NIPSNAP2: variants seen among roughly 807,000 people sequenced by gnomAD.
NIPSNAP2 encodes nipsnap homolog 2.
NIPSNAP2 carries 42 observed loss-of-function variants against 48.4 expected under a neutral mutation model. The ratio of observed to expected loss-of-function variants is 0.87; its 90% CI spans 0.68 to 1.12. The LOEUF (loss-of-function observed/expected upper bound fraction) is 1.12. NIPSNAP2 is among the 50% of genes most tolerant of loss of function. The pLI, the probability that NIPSNAP2 is intolerant of heterozygous loss-of-function variation, is 0.00. For missense variants in NIPSNAP2, 314 were observed against 347.3 expected, an observed-to-expected ratio of 0.90 and a Z score of 0.76; for synonymous variants, 158 against 126.6, an observed-to-expected ratio of 1.25 and a Z score of -1.67.
intron 5 of NIPSNAP2, among the ~76,000 whole-genome samples, chr7:55,982,751 CAA>C (rs35890311): frequency 6.5e-4 from 75 of 114,750 alleles, no homozygotes; most frequent in Admixed American, 1.2e-3. Flanking sequence ...GACTCTGTCT[CAA>C]AAAAAAAAAA....
At chr7:55,973,284 A>G (rs949751935) in intron 1 of NIPSNAP2, among the ~76,000 whole-genome samples, 1 of 152,140 alleles carries the variant, frequency 6.6e-6, no homozygotes, top group Non-Finnish European at 1.5e-5. Flanking sequence ...TTCAACTTAC[A>G]TCTGCAAATG....
intron 9 of NIPSNAP2, 77 bp downstream of exon 9, chr7:55,997,526 G>A: frequency 1.7e-6 from 2 of 1,159,470 alleles, no homozygotes. Flanking sequence ...ACACTAATAG[G>A]TGGGTTTTGT....
At chr7:55,979,693 C>T (rs1787173457) in intron 3 of NIPSNAP2, 1 of 445,456 alleles carries the variant, frequency 2.2e-6, no homozygotes, top group Non-Finnish European at 4.5e-6. Flanking sequence ...CAAAGTTTGT[C>T]AGATTGATCT....
chr7:55,988,708 C>T (rs944519147), intron 7 of NIPSNAP2, among the ~76,000 whole-genome samples: 1 of 151,824 alleles, frequency 6.6e-6, no homozygotes, highest in Non-Finnish European at 1.5e-5. Flanking sequence ...AAAATAAATA[C>T]CAAAAACGTA....
At chr7:55,998,484 G>A (rs1787613496) in intron 9 of NIPSNAP2, among the ~76,000 whole-genome samples, 1 of 143,114 alleles carries the variant, frequency 7.0e-6, no homozygotes, top group African/African-American at 2.6e-5. Context: ...AAATATCCAG[G>A]TAGGATCTGT....
rs1361252041 is a variant in NIPSNAP2 at position 55,983,863 on chromosome 7, C to T, written c.580C>T (p.Leu194Phe). ...PNIYELRSYQ[L>F]RPGTMIEWGN... Reference sequence around the variant, plus strand: ...TATATATGAACTCAGGTCTTACCAACTCCGAGTAAGTACAGAAATATAAGT... The same window carrying T: ...TATATATGAACTCAGGTCTTACCAATTCCGAGTAAGTACAGAAATATAAGT... The change falls in exon 6 of 10, where the codon CTC becomes TTC. Residue 194 changes from leucine to phenylalanine, a missense_variant. This residue lies in a region of NIPSNAP2 where 116 missense variants were observed against 161.8 expected (regional missense o/e 0.72). Transcript: ENST00000322090. The T allele has an allele frequency of 1.2e-6, 2 of 1,612,434 alleles. No homozygotes were observed. Among genetic ancestry groups the T allele is most frequent in the Admixed American group, 1.7e-5 (1 of 59,610 alleles).
rs1004815312 is a variant in NIPSNAP2 at position 55,985,002 on chromosome 7, G to A, written c.617+124G>A. On this transcript the variant is annotated intron_variant, in intron 7 of 9. Coordinates refer to ENST00000322090, the MANE Select transcript of NIPSNAP2 (RefSeq NM_001483.3). ...TGACTTAACACTGCACTAATGTTTCGTTTGATGTTTTTATTATGAGATTTT... is the reference window on the plus strand; with the variant it reads ...TGACTTAACACTGCACTAATGTTTCATTTGATGTTTTTATTATGAGATTTT... The A allele has an allele frequency of 3.9e-5, 26 of 672,974 alleles. No individual in the cohort carries two copies. The African/African-American group carries it at 4.0e-4, about 10-fold the overall frequency. 41.7% of individuals were successfully genotyped at this position (672,974 alleles called of 1,614,324 possible).
chr7:55,998,248 C>CA lies in NIPSNAP2; in HGVS notation c.797-748dup, dbSNP rs879897370. ...TGGGTGACAGAGCAAGAATCCGTCT[C>CA]AAAAAAAAAAAAGTGTATCTCAGCC... On this transcript the variant is annotated intron_variant, in intron 9 of 9. Coordinates refer to ENST00000322090, the MANE Select transcript of NIPSNAP2 (RefSeq NM_001483.3). 6.9e-3 allele frequency among the ~76,000 whole-genome samples: 882 copies of CA among 127,592 alleles called. 10 individuals carry two copies. The highest frequency in any genetic ancestry group is 0.021 in the African/African-American group (731 of 34,630). The allele number at this position is 127,592 out of a possible 152,430, so 83.7% of individuals were successfully genotyped here.
chr7:55,975,045 G>A (rs1787081650), intron 1 of NIPSNAP2, among the ~76,000 whole-genome samples: 1 of 151,954 alleles, frequency 6.6e-6, no homozygotes, highest in Non-Finnish European at 1.5e-5. Context: ...AAAGATCTAT[G>A]TGTAGGTCAG....
At chr7:55,992,530 T>C (rs912205734) in intron 7 of NIPSNAP2, among the ~76,000 whole-genome samples, 1 of 152,242 alleles carries the variant, frequency 6.6e-6, no homozygotes, top group East Asian at 1.9e-4. Context: ...GAAATCACTC[T>C]TGGATTTTTT....
intron 7 of NIPSNAP2, among the ~76,000 whole-genome samples, chr7:55,990,769 A>C (rs1408561987): frequency 6.7e-6 from 1 of 149,468 alleles, no homozygotes; most frequent in Non-Finnish European, 1.5e-5. Flanking sequence ...ACTTCAACTT[A>C]TATCTTTTCT....
intron 1 of NIPSNAP2, among the ~76,000 whole-genome samples, chr7:55,967,125 G>A (rs776309674): frequency 6.6e-5 from 10 of 152,252 alleles, no homozygotes; most frequent in African/African-American, 2.2e-4. Context: ...ATTCCCAGCC[G>A]CTTCCTGGAC....
At chr7:55,993,575 TAAAAA>T (rs11317055) in intron 7 of NIPSNAP2, among the ~76,000 whole-genome samples, 1 of 121,060 alleles carries the variant, frequency 8.3e-6, no homozygotes, top group Admixed American at 8.7e-5. Flanking sequence ...AGACTCCATC[TAAAAA>T]AAAAAAAAAA....
chr7:55,988,139 G>T (rs537861682), intron 7 of NIPSNAP2, among the ~76,000 whole-genome samples: 1 of 152,014 alleles, frequency 6.6e-6, no homozygotes, highest in Non-Finnish European at 1.5e-5. Flanking sequence ...GCACATGCCT[G>T]TAATCTCAGC....
chr7:55,969,378 A>G (rs761824849), intron 1 of NIPSNAP2, among the ~76,000 whole-genome samples: 3 of 152,056 alleles, frequency 2.0e-5, no homozygotes, highest in Non-Finnish European at 4.4e-5. Flanking sequence ...CTGTTTGCAC[A>G]CTTGTGTCTT....
chr7:55,979,894 C>T, intron 3 of NIPSNAP2: 1 of 456,174 alleles, frequency 2.2e-6, no homozygotes, highest in Non-Finnish European at 4.4e-6. Context: ...CAGGTAAGGC[C>T]AGGGCTCCTA....
chr7:55,983,584 A>G (rs1225344764), intron 5 of NIPSNAP2, 144 bp from the exon 6 acceptor site: 3 of 644,990 alleles, frequency 4.7e-6, no homozygotes, highest in Non-Finnish European at 7.7e-6. Flanking sequence ...TGCAAGCTCA[A>G]CAGATGTAAA....
At chr7:55,978,969 C>T (rs964840124) in intron 3 of NIPSNAP2, 2 of 152,426 alleles carry the variant, frequency 1.3e-5, no homozygotes, top group Non-Finnish European at 1.5e-5. Context: ...GAGAACTAAG[C>T]TTACCAGCTT....
At chr7:55,978,100 G>T (rs373043237) in intron 1 of NIPSNAP2, 26 bp from the exon 2 acceptor site, 3 of 1,613,344 alleles carry the variant, frequency 1.9e-6, no homozygotes, top group Non-Finnish European at 2.5e-6. Flanking sequence ...AGTATACTGC[G>T]TGACAACACC....
Sources: gnomAD v4.1 joint callset for allele counts (sites outside exome capture counted in the v4.1 genomes callset) on GRCh38, gnomAD v4.1.1 for gene constraint, gnomAD v4.1.1 regional missense constraint, MANE v1.5 for transcripts, NCBI Gene and HGNC (gene_info 2026-07-23, HGNC 2026-07-21) for gene names.